PTBP2: variants seen among roughly 807,000 people sequenced by gnomAD.
The protein encoded by PTBP2 is polypyrimidine tract-binding protein 2.
PTBP2 carries 13 observed loss-of-function variants against 61.4 expected under a neutral mutation model. The observed-to-expected ratio is 0.21, with a 90% confidence interval of 0.14 to 0.34. The LOEUF (loss-of-function observed/expected upper bound fraction) is 0.34, where lower values mean the gene tolerates loss of function less well. PTBP2 is among the 10% of genes least tolerant of loss of function. PTBP2 has a pLI of 1.00. For missense variants in PTBP2, 405 were observed against 642.6 expected, an observed-to-expected ratio of 0.63 and a Z score of 4.00; for synonymous variants, 215 against 218.5, an observed-to-expected ratio of 0.98 and a Z score of 0.14.
At chr1:96,817,612 A>G (rs781644377), downstream of PTBP2, 6 of 152,106 alleles carry the variant, frequency 3.9e-5, no homozygotes, top group African/African-American at 7.2e-5. Flanking sequence ...ATCACTACCT[A>G]ACATATTCCA....
intron 2 of PTBP2, among the ~76,000 whole-genome samples, chr1:96,734,793 A>G (rs1002162773): frequency 2.7e-4 from 40 of 150,638 alleles, no homozygotes; most frequent in African/African-American, 7.3e-4. Context: ...TCTGTTAGAC[A>G]TGGTTTCTGA....
intron 3 of PTBP2, among the ~76,000 whole-genome samples, chr1:96,751,875 T>G (rs2100914007): frequency 6.6e-6 from 1 of 152,184 alleles, no homozygotes; most frequent in African/African-American, 2.4e-5. Context: ...AAACCCAAAT[T>G]TTAAGTAAAA....
At chr1:96,751,578 ATAC>A in intron 3 of PTBP2, 78 bp downstream of exon 3, 1 of 1,070,062 alleles carries the variant, frequency 9.3e-7, no homozygotes, top group Non-Finnish European at 1.4e-6. Flanking sequence ...TAACCCTGTT[ATAC>A]CAGGAAAGCC....
In PTBP2 at chr1:96,752,726, A is replaced by G. The variant is rs185113151; in HGVS notation, c.115+1226A>G. Among the ~76,000 whole-genome samples, 8 of 152,236 alleles carry G rather than the reference A, an allele frequency of 5.3e-5. 1 individual carries two copies. In the East Asian group the frequency reaches 1.5e-3, roughly 29 times the overall value. ...AAATTAATTTGGAATTAATTTCCAA[A>G]TATTTAGGGCTAGTGACAGAGTAAC... On this transcript the variant is annotated intron_variant, in intron 3 of 13. Transcript: ENST00000674951.
chr1:96,812,602 T>A, intron 11 of PTBP2, 110 bp from the exon 12 acceptor site: 1 of 903,686 alleles, frequency 1.1e-6, no homozygotes, highest in Non-Finnish European at 1.6e-6. Context: ...AATTGGTGAT[T>A]TATTTTAAAA....
chr1:96,769,305 G>T (rs1657118398), intron 3 of PTBP2, among the ~76,000 whole-genome samples: 1 of 151,880 alleles, frequency 6.6e-6, no homozygotes, highest in South Asian at 2.1e-4. Context: ...TAAAAATATG[G>T]TATTATAATC....
At chr1:96,774,303 A>G (rs189042484) in intron 5 of PTBP2, among the ~76,000 whole-genome samples, 139 of 152,120 alleles carry the variant, frequency 9.1e-4, no homozygotes, top group African/African-American at 3.3e-3. Flanking sequence ...GAACCTGCCA[A>G]TTTCTGATTT....
At chr1:96,816,878 G>C (rs1253361247), downstream of PTBP2, 2 of 152,148 alleles carry the variant, frequency 1.3e-5, no homozygotes, top group African/African-American at 2.4e-5. Context: ...ACTAATGCCA[G>C]TTCCCAGACT....
chr1:96,778,970 C>A (rs1658345205), intron 7 of PTBP2, among the ~76,000 whole-genome samples: 1 of 152,056 alleles, frequency 6.6e-6, no homozygotes, highest in African/African-American at 2.4e-5. Context: ...GACCACTACT[C>A]TATATTGTCA....
chr1:96,811,181 A>G (rs756798919), intron 11 of PTBP2, among the ~76,000 whole-genome samples: 1 of 152,098 alleles, frequency 6.6e-6, no homozygotes, highest in South Asian at 2.1e-4. Flanking sequence ...TCTTTTCTGA[A>G]TGGTACCTCA....
chr1:96,810,244 CCATT>C (rs1277489850), intron 11 of PTBP2, among the ~76,000 whole-genome samples: 1 of 152,066 alleles, frequency 6.6e-6, no homozygotes, highest in African/African-American at 2.4e-5. Flanking sequence ...ATTGCCTTGT[CCATT>C]TATGCCATAT....
intron 3 of PTBP2, among the ~76,000 whole-genome samples, chr1:96,765,200 A>G (rs1449179271): frequency 6.6e-6 from 1 of 152,194 alleles, no homozygotes; most frequent in Non-Finnish European, 1.5e-5. Flanking sequence ...CTTAGAATTA[A>G]AACTTCTTTG....
exon 14 of PTBP2, chr1:96,822,337 A>C (rs1455795019): frequency 1.3e-5 from 2 of 152,220 alleles, no homozygotes; most frequent in African/African-American, 4.8e-5. Flanking sequence ...GGGGACAAAA[A>C]AGGACCAGAA....
chr1:96,809,361 C>T (rs960339169), intron 11 of PTBP2, among the ~76,000 whole-genome samples: 1 of 152,166 alleles, frequency 6.6e-6, no homozygotes, highest in Non-Finnish European at 1.5e-5. Context: ...CATACTAAAC[C>T]ATAAAGCAAG....
chr1:96,749,580 C>A (rs1454280898), intron 2 of PTBP2: 2 of 450,308 alleles, frequency 4.4e-6, no homozygotes, highest in South Asian at 1.6e-5. Context: ...GGCTTTATTT[C>A]TCTATCCTGT....
At chr1:96,731,871 A>G (rs1017887181) in intron 2 of PTBP2, among the ~76,000 whole-genome samples, 1 of 152,148 alleles carries the variant, frequency 6.6e-6, no homozygotes, top group African/African-American at 2.4e-5. Flanking sequence ...CATTTTGCCA[A>G]TGTGAAATCC....
downstream of PTBP2, chr1:96,818,448 C>G (rs140608811): frequency 6.6e-6 from 1 of 151,952 alleles, no homozygotes; most frequent in Admixed American, 6.6e-5. Context: ...TTGTTTTATT[C>G]GTGGTCATAG....
intron 3 of PTBP2, among the ~76,000 whole-genome samples, chr1:96,767,644 G>A (rs545525155): frequency 2.1e-4 from 32 of 152,252 alleles, no homozygotes; most frequent in African/African-American, 7.5e-4. Flanking sequence ...CGATTGTTGT[G>A]TGTGCCCATT....
chr1:96,748,717 T>C (rs1344360954), intron 2 of PTBP2, among the ~76,000 whole-genome samples: 4 of 152,214 alleles, frequency 2.6e-5, no homozygotes, highest in Non-Finnish European at 5.9e-5. Flanking sequence ...CTAATTTGAT[T>C]TGTTTCAACA....
Sources: gnomAD v4.1 joint callset for allele counts (sites outside exome capture counted in the v4.1 genomes callset) on GRCh38, gnomAD v4.1.1 for gene constraint, MANE v1.5 for transcripts, NCBI Gene and HGNC (gene_info 2026-07-23, HGNC 2026-07-21) for gene names.